Variants in RB1 observed in about 807,000 individuals in gnomAD.
The protein encoded by RB1 is retinoblastoma-associated protein.
Under a neutral mutation model 135.4 loss-of-function variants are expected in RB1, and 18 were observed. The ratio of observed to expected loss-of-function variants is 0.13; its 90% CI spans 0.09 to 0.20. The LOEUF is 0.20. Among genes scored for constraint, RB1 ranks in the 10% least tolerant of loss-of-function variants. The probability of loss-of-function intolerance (pLI) is 1.00; values close to 1 mark genes in which losing one functional copy is unlikely to be tolerated. For synonymous variants in RB1, 365 were observed against 373.2 expected (o/e 0.98, Z 0.25); for missense variants, 868 against 1,110.0 (o/e 0.78, Z 3.10).
intron 2 of RB1, among the ~76,000 whole-genome samples, chr13:48,332,823 T>C (rs898528535): frequency 2.6e-5 from 4 of 152,178 alleles, no homozygotes; most frequent in Non-Finnish European, 5.9e-5. Flanking sequence ...CAGTAGATGC[T>C]TGAATCCACA....
intron 19 of RB1, among the ~76,000 whole-genome samples, chr13:48,458,622 G>T (rs1186651138): frequency 6.6e-6 from 1 of 152,034 alleles, no homozygotes; most frequent in Non-Finnish European, 1.5e-5. Flanking sequence ...TCAAAACCTT[G>T]TTTTAACAAC....
chr13:48,304,540 G>A (rs2138029416), intron 1 of RB1, among the ~76,000 whole-genome samples: 1 of 152,208 alleles, frequency 6.6e-6, no homozygotes, highest in East Asian at 1.9e-4. Context: ...GGGAGAGGCC[G>A]ACCAGAAAGC....
rs11452683 is a variant in RB1 at position 48,307,699 on chromosome 13, C to CA, written c.264+310dup. On this transcript the variant is annotated intron_variant, in intron 2 of 26. Coordinates refer to ENST00000267163, the MANE Select transcript of RB1 (RefSeq NM_000321.3). ...GTGAAACCCTGTCTCTACTAAAATACAAAAAAAAAAAAAAAAATTAGCAGG... is the reference window on the plus strand; with the variant it reads ...GTGAAACCCTGTCTCTACTAAAATACAAAAAAAAAAAAAAAAAATTAGCAGG... Among the ~76,000 whole-genome samples the CA allele has an allele frequency of 0.89, 114,850 of 129,698 alleles. 51,512 individuals are homozygous for CA. Among genetic ancestry groups the CA allele is most frequent in the East Asian group, 0.98 (4,545 of 4,646 alleles). The allele number at this position is 129,698 out of a possible 152,430, so 85.1% of individuals were successfully genotyped here. A position where few individuals can be genotyped will look rare whatever the true frequency, so the allele number is the denominator to read the frequency against.
Position 48,481,794 on chromosome 13 carries a change from TA to T in RB1, c.*1724del, listed in dbSNP as rs1223741526. 4.4e-6 allele frequency: 1 copy of T among 227,274 alleles called. No homozygotes were observed. Among genetic ancestry groups the T allele is most frequent in the Admixed American group, 5.7e-5 (1 of 17,604 alleles). The allele number at this position is 227,274 out of a possible 1,614,324, so 14.1% of individuals were successfully genotyped here. A position where few individuals can be genotyped will look rare whatever the true frequency, so the allele number is the denominator to read the frequency against. ...ATATTATTGCTTTATTGCTTTTTTG[TA>T]TTGGTTAAAACTGTACATTTAAAAT... On this transcript the variant is annotated 3_prime_UTR_variant, in exon 27 of 27. Coordinates refer to ENST00000267163, the MANE Select transcript of RB1 (RefSeq NM_000321.3).
rs2138336079 is a variant in RB1 at position 48,459,739 on chromosome 13, C to G, written c.2012C>G (p.Ser671Cys). The change falls in exon 20 of 27, where the codon TCT becomes TGT. Residue 671 changes from serine (S) to cysteine (C), a missense_variant. Ser to Cys is a moderately radical substitution (Grantham distance 112). Around this residue, in one of 3 missense-constraint regions of RB1, gnomAD observed 31 missense variants for 78.9 expected, o/e 0.39. Transcript: ENST00000267163. ...RLNTLCERLL[S>C]EHPELEHIIW... The stretch of plus-strand genomic sequence containing the variant: ...AATACACTTTGTGAACGCCTTCTGT[C>G]TGAGCACCCAGAATTAGAACATATC... 6.2e-7 allele frequency: 1 copy of G among 1,613,984 alleles called. No individual in the cohort carries two copies. Among genetic ancestry groups the G allele is most frequent in the East Asian group, 2.2e-5 (1 of 44,874 alleles).
At chr13:48,334,482 C>T (rs1055018082) in intron 2 of RB1, among the ~76,000 whole-genome samples, 2 of 152,144 alleles carry the variant, frequency 1.3e-5, no homozygotes, top group African/African-American at 4.8e-5. Flanking sequence ...TAATGTAACC[C>T]TACTGCTAAT....
chr13:48,315,157 T>C (rs1328904935), intron 2 of RB1, among the ~76,000 whole-genome samples: 1 of 152,250 alleles, frequency 6.6e-6, no homozygotes, highest in Non-Finnish European at 1.5e-5. Flanking sequence ...ATATTGATTC[T>C]TCTTATCCAT....
At chr13:48,477,284 A>G (rs1237418763) in intron 25 of RB1, 71 bp from the exon 26 acceptor site, 4 of 1,103,396 alleles carry the variant, frequency 3.6e-6, no homozygotes, top group Admixed American at 3.7e-5. Context: ...CGAAAGCATC[A>G]TAGTTACTGG....
intron 2 of RB1, chr13:48,318,734 T>C (rs935086813): frequency 1.5e-5 from 10 of 647,374 alleles, no homozygotes; most frequent in Non-Finnish European, 2.0e-5. Context: ...GCGGGTCCGG[T>C]GTTTTAGAGA....
intron 17 of RB1, among the ~76,000 whole-genome samples, chr13:48,395,409 G>C (rs1158057675): frequency 6.6e-6 from 1 of 152,094 alleles, no homozygotes. Flanking sequence ...GGCTTCAGAA[G>C]GTGGGTAATA....
chr13:48,359,608 ATATT>A (rs1164369333), intron 6 of RB1, among the ~76,000 whole-genome samples: 2 of 148,316 alleles, frequency 1.3e-5, no homozygotes, highest in South Asian at 2.1e-4. Flanking sequence ...TATAAATAAA[ATATT>A]TATAAAATTA....
intron 17 of RB1, among the ~76,000 whole-genome samples, chr13:48,450,543 C>G (rs760030009): frequency 3.9e-5 from 6 of 152,124 alleles, no homozygotes; most frequent in Non-Finnish European, 7.3e-5. Context: ...GTACTAATAC[C>G]ATGCTGTTTT....
At chr13:48,305,928 G>A (rs190247323) in intron 1 of RB1, among the ~76,000 whole-genome samples, 9 of 152,190 alleles carry the variant, frequency 5.9e-5, no homozygotes, top group African/African-American at 2.2e-4. Context: ...AAGGGAAACT[G>A]TCACTAGGAA....
intron 2 of RB1, among the ~76,000 whole-genome samples, chr13:48,313,508 A>G (rs1593417857): frequency 6.9e-6 from 1 of 144,070 alleles, no homozygotes; most frequent in African/African-American, 2.6e-5. Context: ...AGTTCTTGTC[A>G]GTCTTGGGTT....
At chr13:48,320,253 C>G (rs1952222605) in intron 2 of RB1, 1 of 1,156,972 alleles carries the variant, frequency 8.6e-7, no homozygotes, top group African/African-American at 1.5e-5. Context: ...TGGCGTCTGC[C>G]CTGTGGCCCC....
At position 48,447,698 on chromosome 13, in the gene RB1, T is replaced by C. The variant is rs542226499; in HGVS notation, c.1696-5295T>C. Reference sequence around the variant, plus strand: ...TACAGGTGGCCAGGATTTGAACCCATGTACTGTGGCTCCAGAGTTTGTGCT... The same window carrying C: ...TACAGGTGGCCAGGATTTGAACCCACGTACTGTGGCTCCAGAGTTTGTGCT... On this transcript the variant is annotated intron_variant, in intron 17 of 26. Coordinates refer to ENST00000267163, the MANE Select transcript of RB1 (RefSeq NM_000321.3). 3.9e-5 allele frequency among the ~76,000 whole-genome samples: 6 copies of C among 152,288 alleles called. No individual in the cohort carries two copies. The East Asian group carries it at 1.2e-3, about 29-fold the overall frequency.
At position 48,399,536 on chromosome 13, in the gene RB1, G is replaced by T. The variant is rs143307615; in HGVS notation, c.1695+18093G>T. Among the ~76,000 whole-genome samples the T allele has an allele frequency of 2.6e-3, 390 of 152,014 alleles. 1 individual carries two copies. The highest frequency in any genetic ancestry group is 8.9e-3 in the African/African-American group (371 of 41,510). ...ATTAGATGATTGCTTAAAGATCTAG[G>T]AATATAAGCTCAATGTAATAAAATA... On this transcript the variant is annotated intron_variant, in intron 17 of 26. Coordinates refer to ENST00000267163, the MANE Select transcript of RB1 (RefSeq NM_000321.3).
rs537778405 is a variant in RB1, at chr13:48,375,140, T to A, written c.1215+1648T>A. On this transcript the variant is annotated intron_variant, in intron 12 of 26. Transcript: ENST00000267163. ...CTGAAGGGCACCTAGGTTGATTCCA[T>A]GTCTTTGCTATTGTGAATAGCATAC... Among the ~76,000 whole-genome samples the A allele has an allele frequency of 1.6e-4, 25 of 152,328 alleles. No individual in the cohort carries two copies. In the South Asian group the frequency reaches 5.2e-3, roughly 32 times the overall value.
At position 48,348,947 on chromosome 13, in the gene RB1, GT is replaced by G. The variant is rs1952522406; in HGVS notation, c.540-6del. On this transcript the variant is annotated splice_region_variant and splice_polypyrimidine_tract_variant and intron_variant, in intron 5 of 26. Coordinates refer to ENST00000267163, the MANE Select transcript of RB1 (RefSeq NM_000321.3). ...CCTGTTTTTTTTCTGCTTTCTATTT[GT>G]TTAATAGGATATCTACTGAAATAAA... The G allele has an allele frequency of 1.3e-6, 2 of 1,588,994 alleles. No individual in the cohort carries two copies. The highest frequency in any genetic ancestry group is 1.7e-6 in the Non-Finnish European group (2 of 1,166,376).
Sources: gnomAD v4.1 joint callset for allele counts (sites outside exome capture counted in the v4.1 genomes callset) on GRCh38, gnomAD v4.1.1 for gene constraint, gnomAD v4.1.1 regional missense constraint, MANE v1.5 for transcripts, NCBI Gene and HGNC (gene_info 2026-07-23, HGNC 2026-07-21) for gene names.